NRXN3: variants seen among roughly 807,000 people sequenced by gnomAD.
NRXN3 encodes neurexin 3, also known as neurexin III.
A neutral mutation model predicts 137.6 loss-of-function variants in NRXN3; 32 were observed. The ratio of observed to expected loss-of-function variants is 0.23; its 90% confidence interval spans 0.18 to 0.31. The LOEUF is 0.31. Ranked by LOEUF, NRXN3 falls within the 10% of genes least tolerant of loss-of-function variation. The pLI, the probability that NRXN3 is intolerant of heterozygous loss-of-function variation, is 1.00. For missense variants in NRXN3, 1,574 were observed against 2,062.5 expected (o/e 0.76, Z 4.59); for synonymous variants, 798 against 784.5 (o/e 1.02, Z -0.29).
At chr14:78,765,769 A>G (rs1014944767) in intron 8 of NRXN3, among the ~76,000 whole-genome samples, 6 of 152,156 alleles carry the variant, frequency 3.9e-5, no homozygotes, top group Non-Finnish European at 7.3e-5. Context: ...ATATACATAT[A>G]TATCTTTATA....
chr14:78,669,421 G>T (rs11625177), intron 6 of NRXN3, among the ~76,000 whole-genome samples: 26,535 of 152,056 alleles, frequency 0.17, 2,481 homozygotes, highest in South Asian at 0.24. Context: ...TAAAAGAATG[G>T]CTACTCCGTA....
At chr14:78,528,608 T>A (rs1036837573) in intron 4 of NRXN3, among the ~76,000 whole-genome samples, 2 of 152,096 alleles carry the variant, frequency 1.3e-5, no homozygotes, top group African/African-American at 4.8e-5. Flanking sequence ...GAGATTTTGA[T>A]AGATTCAGGA....
At chr14:79,400,422 C>G (rs1379178349) in intron 15 of NRXN3, among the ~76,000 whole-genome samples, 3 of 152,162 alleles carry the variant, frequency 2.0e-5, no homozygotes, top group Admixed American at 2.0e-4. Context: ...TTAATTCAAT[C>G]TTATCCTCAC....
At chr14:79,634,857 A>C (rs1019164179) in intron 16 of NRXN3, among the ~76,000 whole-genome samples, 1 of 152,304 alleles carries the variant, frequency 6.6e-6, no homozygotes, top group East Asian at 1.9e-4. Flanking sequence ...TAATCATTAC[A>C]CTACTCTGTA....
chr14:79,432,047 C>T (rs1189681272), intron 15 of NRXN3, among the ~76,000 whole-genome samples: 1 of 152,088 alleles, frequency 6.6e-6, no homozygotes, highest in Non-Finnish European at 1.5e-5. Flanking sequence ...AATAAGCCAA[C>T]AATGGTCCTC....
chr14:79,212,846 A>G (rs1251392141), intron 15 of NRXN3, among the ~76,000 whole-genome samples: 6 of 152,098 alleles, frequency 3.9e-5, no homozygotes, highest in Non-Finnish European at 7.4e-5. Context: ...ACATTCTCCA[A>G]ATTTGTTTGA....
rs377290357 is a variant in NRXN3 at position 78,929,242 on chromosome 14, A to G, written c.2276-28000A>G. 9.9e-5 allele frequency among the ~76,000 whole-genome samples: 15 copies of G among 152,156 alleles called. No individual in the cohort carries two copies. The South Asian group carries it at 2.9e-3, about 29-fold the overall frequency. On this transcript the variant is annotated intron_variant, in intron 10 of 20. Transcript: ENST00000335750. ...ATTTTGAGTTCAGGGGTACATGTGC[A>G]TGTTTTTTATATAGATAAACTTATG... is the stretch of plus-strand genomic sequence containing the variant.
intron 10 of NRXN3, among the ~76,000 whole-genome samples, chr14:78,851,889 A>G (rs2099043627): frequency 2.6e-5 from 4 of 151,738 alleles, no homozygotes; most frequent in Admixed American, 1.3e-4. Context: ...TGTGGCAAGA[A>G]TTGTGGTTAT....
intron 8 of NRXN3, among the ~76,000 whole-genome samples, chr14:78,789,769 C>T (rs2098799815): frequency 6.6e-6 from 1 of 152,106 alleles, no homozygotes; most frequent in Non-Finnish European, 1.5e-5. Context: ...AGCCAGAGTG[C>T]CTTCCCACTC....
chr14:79,659,656 T>G (rs1182525329), intron 16 of NRXN3, among the ~76,000 whole-genome samples: 3 of 152,132 alleles, frequency 2.0e-5, no homozygotes, highest in African/African-American at 4.8e-5. Flanking sequence ...GAATGCCAGG[T>G]GCTTCACATG....
At chr14:78,480,602 A>C (rs897486787) in intron 4 of NRXN3, among the ~76,000 whole-genome samples, 1 of 152,062 alleles carries the variant, frequency 6.6e-6, no homozygotes, top group Non-Finnish European at 1.5e-5. Flanking sequence ...TATATTTACT[A>C]TTTTTTTCAC....
intron 19 of NRXN3, among the ~76,000 whole-genome samples, chr14:79,728,107 G>A (rs1005337112): frequency 2.0e-5 from 3 of 152,208 alleles, no homozygotes; most frequent in Non-Finnish European, 2.9e-5. Flanking sequence ...TGCTAGGGTA[G>A]AGTACTTTAG....
At chr14:78,814,118 C>T (rs2098923845) in intron 10 of NRXN3, among the ~76,000 whole-genome samples, 1 of 152,206 alleles carries the variant, frequency 6.6e-6, no homozygotes, top group Non-Finnish European at 1.5e-5. Context: ...TATCAATAAA[C>T]ATATATTACA....
chr14:79,049,288 A>ATGTTCACAGAAT (rs1244513913), intron 15 of NRXN3, among the ~76,000 whole-genome samples: 1 of 152,074 alleles, frequency 6.6e-6, no homozygotes, highest in Non-Finnish European at 1.5e-5. Context: ...TATTTCTAGA[A>ATGTTCACAGAAT]TGTTCACAGA....
chr14:78,209,811 C>G (rs921789998), intron 1 of NRXN3, among the ~76,000 whole-genome samples: 1 of 152,130 alleles, frequency 6.6e-6, no homozygotes, highest in African/African-American at 2.4e-5. Context: ...TTCCCTGAAC[C>G]CTTTGTTTTA....
At chr14:78,989,607 A>G (rs1408622236) in intron 15 of NRXN3, among the ~76,000 whole-genome samples, 1 of 152,156 alleles carries the variant, frequency 6.6e-6, no homozygotes, top group Non-Finnish European at 1.5e-5. Flanking sequence ...TATGATGTGG[A>G]AATACTGTTT....
intron 4 of NRXN3, among the ~76,000 whole-genome samples, chr14:78,455,285 C>T (rs980308251): frequency 9.2e-5 from 14 of 152,206 alleles, no homozygotes; most frequent in Admixed American, 9.2e-4. Context: ...CCTCTTTACA[C>T]ATCCTTCCCA....
At chr14:78,880,026 T>C (rs940230985) in intron 10 of NRXN3, among the ~76,000 whole-genome samples, 1 of 140,752 alleles carries the variant, frequency 7.1e-6, no homozygotes, top group Non-Finnish European at 1.5e-5. Flanking sequence ...GATCACGAGG[T>C]CAGGAGATCG....
At chr14:78,494,992 A>G (rs774680956) in intron 4 of NRXN3, among the ~76,000 whole-genome samples, 1 of 152,020 alleles carries the variant, frequency 6.6e-6, no homozygotes, top group Non-Finnish European at 1.5e-5. Context: ...GATTCATGGA[A>G]TATGGAAGTG....
Sources: allele counts gnomAD v4.1 joint callset (sites outside exome capture counted in the v4.1 genomes callset), GRCh38; gene constraint gnomAD v4.1.1; transcripts MANE v1.5; gene names NCBI Gene and HGNC (gene_info 2026-07-23, HGNC 2026-07-21).